LRRTM3: variants seen among roughly 807,000 people sequenced by gnomAD.
LRRTM3 encodes leucine rich repeat transmembrane neuronal 3, also known as leucine-rich repeat transmembrane neuronal protein 3.
LRRTM3 carries 24 observed loss-of-function variants against 44.7 expected under a neutral mutation model. The ratio of observed to expected loss-of-function variants is 0.54; its 90% CI spans 0.39 to 0.76. LRRTM3 has a LOEUF of 0.76. LRRTM3 is among the 30% of genes least tolerant of loss of function. The pLI, the probability that LRRTM3 is intolerant of heterozygous loss-of-function variation, is 0.00. For missense variants in LRRTM3, 587 were observed against 702.2 expected (o/e 0.84, Z 1.85); for synonymous variants, 277 against 278.7 (o/e 0.99, Z 0.06).
intron 2 of LRRTM3, among the ~76,000 whole-genome samples, chr10:66,941,102 G>A (rs947772097): frequency 2.6e-5 from 4 of 152,190 alleles, no homozygotes; most frequent in African/African-American, 9.7e-5. Flanking sequence ...TTTATCCAGG[G>A]AGGTACTTTA....
rs1858259326 is a variant in LRRTM3 at position 67,100,175 on chromosome 10, T to C, written c.*2379T>C. 6.6e-6 allele frequency among the ~76,000 whole-genome samples: 1 copy of C among 151,770 alleles called. No homozygotes were observed. The highest frequency in any genetic ancestry group is 1.5e-5 in the Non-Finnish European group (1 of 67,804). On this transcript the variant is annotated 3_prime_UTR_variant, in exon 3 of 3. Coordinates refer to ENST00000361320, the MANE Select transcript of LRRTM3 (RefSeq NM_178011.5). ...CAAGGAGTCTTACAAGTGTATGCCC[T>C]TGATTTCCTGAAGGAAACCACTTTC...
chr10:66,934,200 T>C (rs962319477), intron 2 of LRRTM3, among the ~76,000 whole-genome samples: 31 of 152,152 alleles, frequency 2.0e-4, no homozygotes, highest in African/African-American at 7.0e-4. Flanking sequence ...AAAAACAGCT[T>C]CTATCTTATC....
intron 2 of LRRTM3, among the ~76,000 whole-genome samples, chr10:66,970,970 A>G (rs1849689783): frequency 1.3e-5 from 2 of 152,146 alleles, no homozygotes; most frequent in Admixed American, 1.3e-4. Flanking sequence ...CCAGGATTTC[A>G]GTTGTTTTCT....
intron 2 of LRRTM3, among the ~76,000 whole-genome samples, chr10:67,094,634 T>C (rs555034366): frequency 2.6e-5 from 4 of 151,858 alleles, no homozygotes; most frequent in African/African-American, 7.2e-5. Flanking sequence ...AGAATAAACA[T>C]ACCTTGTACT....
At chr10:66,980,145 G>A (rs1850329468) in intron 2 of LRRTM3, among the ~76,000 whole-genome samples, 1 of 152,164 alleles carries the variant, frequency 6.6e-6, no homozygotes, top group East Asian at 1.9e-4. Flanking sequence ...TCTGAGCCAG[G>A]AAGGCAGACA....
intron 2 of LRRTM3, among the ~76,000 whole-genome samples, chr10:66,999,173 G>A (rs993480188): frequency 9.9e-5 from 15 of 151,988 alleles, no homozygotes; most frequent in African/African-American, 3.4e-4. Context: ...TTGATGGTTT[G>A]CACTCAAATA....
At chr10:67,084,428 C>A (rs1165248196) in intron 2 of LRRTM3, among the ~76,000 whole-genome samples, 1 of 151,802 alleles carries the variant, frequency 6.6e-6, no homozygotes, top group Non-Finnish European at 1.5e-5. Context: ...AAAGCTAAAT[C>A]TGAAGTGGAG....
At chr10:67,060,539 T>G (rs1855700258) in intron 2 of LRRTM3, among the ~76,000 whole-genome samples, 1 of 152,228 alleles carries the variant, frequency 6.6e-6, no homozygotes, top group African/African-American at 2.4e-5. Flanking sequence ...ACTTTGCAGT[T>G]AGGCAGCACC....
chr10:67,005,200 G>T (rs1851899092), intron 2 of LRRTM3, among the ~76,000 whole-genome samples: 1 of 152,080 alleles, frequency 6.6e-6, no homozygotes, highest in Admixed American at 6.6e-5. Context: ...TAAAGAAAAT[G>T]ATTTCCAAAG....
intron 2 of LRRTM3, among the ~76,000 whole-genome samples, chr10:67,004,425 T>G (rs538483821): frequency 1.3e-5 from 2 of 152,348 alleles, no homozygotes; most frequent in South Asian, 4.1e-4. Context: ...TGATGACACA[T>G]GTAAGGACAG....
chr10:67,001,006 G>A (rs1004921521), intron 2 of LRRTM3, among the ~76,000 whole-genome samples: 3 of 152,064 alleles, frequency 2.0e-5, no homozygotes, highest in South Asian at 4.1e-4. Flanking sequence ...AAGAAAGGAC[G>A]ATAAAAATTA....
At chr10:66,998,693 A>G (rs1471545953) in intron 2 of LRRTM3, among the ~76,000 whole-genome samples, 1 of 152,180 alleles carries the variant, frequency 6.6e-6, no homozygotes, top group Non-Finnish European at 1.5e-5. Flanking sequence ...GAGAAATAAC[A>G]TTGTCCAGAA....
rs191208537 is a variant in LRRTM3 at position 67,100,160 on chromosome 10, T to C, written c.*2364T>C. Among the ~76,000 whole-genome samples, 217 of 151,868 alleles carry C rather than the reference T, an allele frequency of 1.4e-3. 1 individual carries two copies. The highest frequency in any genetic ancestry group is 5.1e-3 in the African/African-American group (212 of 41,516). On this transcript the variant is annotated 3_prime_UTR_variant, in exon 3 of 3. Coordinates refer to ENST00000361320, the MANE Select transcript of LRRTM3 (RefSeq NM_178011.5). ...GAAATGTTAAGGTTCCAAGGAGTCT[T>C]ACAAGTGTATGCCCTTGATTTCCTG...
intron 2 of LRRTM3, among the ~76,000 whole-genome samples, chr10:67,049,068 C>T (rs1854931098): frequency 6.7e-6 from 1 of 149,348 alleles, no homozygotes; most frequent in African/African-American, 2.5e-5. Context: ...CTTAAAAACA[C>T]CAGTTAGAAA....
At chr10:67,094,287 T>C (rs1296037599) in intron 2 of LRRTM3, among the ~76,000 whole-genome samples, 1 of 151,882 alleles carries the variant, frequency 6.6e-6, no homozygotes, top group African/African-American at 2.4e-5. Flanking sequence ...ATATCCTACA[T>C]GGATATTCTA....
intron 2 of LRRTM3, among the ~76,000 whole-genome samples, chr10:67,046,678 A>G (rs1457608700): frequency 1.3e-5 from 2 of 152,220 alleles, no homozygotes; most frequent in East Asian, 3.9e-4. Context: ...TAGGGATACT[A>G]TACATTGGCA....
chr10:66,984,352 A>T (rs1850610601), intron 2 of LRRTM3, among the ~76,000 whole-genome samples: 1 of 152,194 alleles, frequency 6.6e-6, no homozygotes, highest in Non-Finnish European at 1.5e-5. Context: ...ACAACAAATT[A>T]GAGTGATGGG....
Position 67,086,314 on chromosome 10 carries a change from T to A in LRRTM3, c.1537-11273T>A, listed in dbSNP as rs1857304985. Among the ~76,000 whole-genome samples the A allele has an allele frequency of 2.6e-5, 4 of 152,188 alleles. No homozygotes were observed. The South Asian group carries it at 8.3e-4, about 32-fold the overall frequency. On this transcript the variant is annotated intron_variant, in intron 2 of 2. Transcript: ENST00000361320. ...CAAGATTTTTATGCAACCTGGCAGA[T>A]GCATACAGAATATCACTTCATTTAG...
At chr10:67,073,067 A>T (rs1172773247) in intron 2 of LRRTM3, among the ~76,000 whole-genome samples, 2 of 152,150 alleles carry the variant, frequency 1.3e-5, no homozygotes, top group Non-Finnish European at 2.9e-5. Context: ...CTCAGACCAC[A>T]CTCAGAATAA....
Sources: allele counts gnomAD v4.1 joint callset (sites outside exome capture counted in the v4.1 genomes callset), GRCh38; gene constraint gnomAD v4.1.1; transcripts MANE v1.5; gene names NCBI Gene and HGNC (gene_info 2026-07-23, HGNC 2026-07-21).